The following STAT5A variants were observed in gnomAD, a reference collection of about 807,000 sequenced individuals.
STAT5A encodes signal transducer and activator of transcription 5A.
In STAT5A, 26 loss-of-function variants were observed where a neutral mutation model predicts 100.2. The ratio of observed to expected loss-of-function variants is 0.26; its 90% CI spans 0.19 to 0.36. The LOEUF (loss-of-function observed/expected upper bound fraction) is 0.36, where lower values mean the gene tolerates loss of function less well. Ranked by LOEUF, STAT5A falls within the 10% of genes least tolerant of loss-of-function variation. The pLI, the probability that STAT5A is intolerant of heterozygous loss-of-function variation, is 1.00. For missense variants in STAT5A, 634 were observed against 1,027.5 expected, an observed-to-expected ratio of 0.62 and a Z score of 5.24; for synonymous variants, 330 against 424.3, an observed-to-expected ratio of 0.78 and a Z score of 2.73.
At chr17:42,303,784 TTGG>T (rs2081003060) in intron 9 of STAT5A, among the ~76,000 whole-genome samples, 1 of 151,842 alleles carries the variant, frequency 6.6e-6, no homozygotes, top group Admixed American at 6.6e-5. Context: ...AAAGGTCAGC[TTGG>T]TAAGCTTCTC....
intron 1 of STAT5A, 73 bp from the exon 2 acceptor site, chr17:42,289,329 T>A (rs1567685730): frequency 6.9e-7 from 1 of 1,447,168 alleles, no homozygotes; most frequent in East Asian, 2.6e-5. Context: ...TAGGTAGGCA[T>A]GGCAAGGCCA....
intron 7 of STAT5A, among the ~76,000 whole-genome samples, 194 bp downstream of exon 7, chr17:42,300,475 C>T (rs1453431139): frequency 1.3e-5 from 2 of 152,152 alleles, no homozygotes; most frequent in Non-Finnish European, 2.9e-5. Context: ...GGGCTGCTGT[C>T]CTGGGGGTGG....
chr17:42,304,358 A>T lies in STAT5A; in HGVS notation c.1186A>T (p.Ile396Phe). The change falls in exon 10 of 19, where the codon ATC becomes TTC. Residue 396 changes from isoleucine to phenylalanine, a missense_variant. Coordinates refer to ENST00000590949, the MANE Select transcript of STAT5A (RefSeq NM_001288718.2). The surrounding 1 kb of genome is among the most constrained non-coding windows in gnomAD (Gnocchi z 4.8). ...ENTRNECSGE[I>F]LNNCCVMEYH... is the part of the protein sequence containing the mutation. ...CCTTTGCAGCGAGTGCAGTGGTGAGATCCTGAACAACTGCTGCGTGATGGA... is the reference window on the plus strand; with the variant it reads ...CCTTTGCAGCGAGTGCAGTGGTGAGTTCCTGAACAACTGCTGCGTGATGGA... 1 of 1,614,144 alleles carries T rather than the reference A, an allele frequency of 6.2e-7. No individual in the cohort carries two copies. The highest frequency in any genetic ancestry group is 8.5e-7 in the Non-Finnish European group (1 of 1,180,030).
chr17:42,306,597 C>T (rs1209811356), intron 13 of STAT5A, 150 bp downstream of exon 13: 2 of 1,199,226 alleles, frequency 1.7e-6, no homozygotes, highest in East Asian at 2.6e-5. Flanking sequence ...GGCCCCTAGC[C>T]TCAAGAAATG....
chr17:42,294,398 A>G (rs1439410917), intron 4 of STAT5A, among the ~76,000 whole-genome samples: 12 of 152,028 alleles, frequency 7.9e-5, no homozygotes, highest in East Asian at 1.9e-4. Flanking sequence ...CCTTCCTCCA[A>G]CCATACAACT....
At position 42,310,633 on chromosome 17, in the gene STAT5A, C is replaced by G. The variant is rs577779069; in HGVS notation, c.2349C>G (p.Ala783=). The G allele has an allele frequency of 1.6e-5, 26 of 1,614,082 alleles. No homozygotes were observed. In the Admixed American group the frequency reaches 3.7e-4, roughly 23 times the overall value. The part of the protein sequence containing the change: ...DSLDSRLSPP[A]GLFTSARGSL... ...TTGACTCCCGCCTCTCGCCCCCTGC[C>G]GGTCTTTTCACCTCTGCCAGAGGCT... Residue 783 remains alanine (A), a synonymous_variant, in exon 19 of 19, where the codon GCC becomes GCG. Transcript: ENST00000590949.
chr17:42,307,174 C>T (rs1402378086), intron 13 of STAT5A, among the ~76,000 whole-genome samples: 2 of 152,192 alleles, frequency 1.3e-5, no homozygotes, highest in African/African-American at 4.8e-5. Flanking sequence ...ACCTCTTACT[C>T]CCACCCTTGG....
chr17:42,299,970 C>A (rs1315967550), intron 6 of STAT5A, 89 bp downstream of exon 6: 6 of 1,448,716 alleles, frequency 4.1e-6, no homozygotes, highest in Non-Finnish European at 5.6e-6. Flanking sequence ...AGCATGAGAG[C>A]AGAACCTGGG....
Position 42,304,387 on chromosome 17 carries a change from C to T in STAT5A, c.1215C>T (p.Tyr405=), listed in dbSNP as rs1444810113. 4 of 1,614,222 alleles carry T rather than the reference C, an allele frequency of 2.5e-6. No individual in the cohort carries two copies. The highest frequency in any genetic ancestry group is 2.2e-5 in the East Asian group (1 of 44,888). The part of the protein sequence containing the change: ...EILNNCCVME[Y]HQATGTLSAH... ...TGAACAACTGCTGCGTGATGGAGTACCACCAAGCCACGGGCACCCTCAGTG... is the reference window on the plus strand; with the variant it reads ...TGAACAACTGCTGCGTGATGGAGTATCACCAAGCCACGGGCACCCTCAGTG... The change falls in exon 10 of 19, where the codon TAC becomes TAT. Residue 405 remains tyrosine (Y), a synonymous_variant. Transcript: ENST00000590949. This position sits in a 1 kb window ranked among gnomAD's most constrained non-coding sequence, Gnocchi z 4.8.
In STAT5A at chr17:42,304,014, G is replaced by A. The variant is rs2081005115; in HGVS notation, c.1170-328G>A. Among the ~76,000 whole-genome samples the A allele has an allele frequency of 6.6e-6, 1 of 152,176 alleles. No homozygotes were observed. ...GGGGGTGGGTAGGTGTTGACCATAG[G>A]GATCCTCAGAGACTGTGGTTGTGAT... On this transcript the variant is annotated intron_variant, in intron 9 of 18. Transcript: ENST00000590949. The surrounding 1 kb of genome is among the most constrained non-coding windows in gnomAD (Gnocchi z 4.8).
At chr17:42,309,813 G>A in intron 18 of STAT5A, 1 of 249,218 alleles carries the variant, frequency 4.0e-6, no homozygotes, top group Non-Finnish European at 7.8e-6. Flanking sequence ...CATTTCCACA[G>A]GGAGGGGCTT....
intron 5 of STAT5A, among the ~76,000 whole-genome samples, chr17:42,296,852 G>A (rs2080922847): frequency 6.6e-6 from 1 of 152,032 alleles, no homozygotes; most frequent in Non-Finnish European, 1.5e-5. Context: ...TCCTAACCCT[G>A]CACTGTCAGT....
At chr17:42,306,475 C>T in intron 13 of STAT5A, 28 bp downstream of exon 13, 1 of 1,590,376 alleles carries the variant, frequency 6.3e-7, no homozygotes, top group Non-Finnish European at 8.6e-7. Context: ...CAGCCGCCCA[C>T]CAGGGCCCAC....
chr17:42,296,873 C>T (rs984443223), intron 5 of STAT5A, among the ~76,000 whole-genome samples: 19 of 152,168 alleles, frequency 1.2e-4, no homozygotes, highest in African/African-American at 4.6e-4. Flanking sequence ...GCTTTGTGTA[C>T]ACTGAGACCA....
Position 42,310,806 on chromosome 17 carries a change from G to A in STAT5A, c.*137G>A. On this transcript the variant is annotated 3_prime_UTR_variant, in exon 19 of 19. Coordinates refer to ENST00000590949, the MANE Select transcript of STAT5A (RefSeq NM_001288718.2). ...TGTGTGTGTGTGTGTGTGTGTCCTT[G>A]TGCATGAGCTACGCCTGCCTCCCCT... 1.4e-6 allele frequency: 2 copies of A among 1,432,450 alleles called. No homozygotes were observed. The highest frequency in any genetic ancestry group is 1.4e-5 in the South Asian group (1 of 74,026). 88.7% of individuals were successfully genotyped at this position (1,432,450 alleles called of 1,614,324 possible).
chr17:42,307,493 A>G lies in STAT5A; in HGVS notation c.1772A>G (p.Asp591Gly), dbSNP rs754502479. 1.9e-6 allele frequency: 3 copies of G among 1,614,002 alleles called. No individual in the cohort carries two copies. The highest frequency in any genetic ancestry group is 2.5e-6 in the Non-Finnish European group (3 of 1,179,992). ...AAGCACCACAAGCCCCACTGGAATG[A>G]TGGGTAAGGAACGGGGGCTGCAGGG... ...LKKHHKPHWN[D>G]GAILGFVNKQ... is the part of the protein sequence containing the mutation. The change falls in exon 14 of 19, where the codon GAT becomes GGT. Residue 591 changes from aspartate to glycine, a missense_variant. Coordinates refer to ENST00000590949, the MANE Select transcript of STAT5A (RefSeq NM_001288718.2).
chr17:42,310,840 C>G lies in STAT5A; in HGVS notation c.*171C>G. Reference sequence around the variant, plus strand: ...CTACGCCTGCCTCCCCTGTGCAGTCCTGGGATGTGGCTGCAGCAGCGGTGG... The same window carrying G: ...CTACGCCTGCCTCCCCTGTGCAGTCGTGGGATGTGGCTGCAGCAGCGGTGG... On this transcript the variant is annotated 3_prime_UTR_variant, in exon 19 of 19. Transcript: ENST00000590949. 3.4e-6 allele frequency: 4 copies of G among 1,166,556 alleles called. No individual in the cohort carries two copies. Among genetic ancestry groups the G allele is most frequent in the Non-Finnish European group, 3.5e-6 (3 of 845,866 alleles). The allele number at this position is 1,166,556 out of a possible 1,614,324, so 72.3% of individuals were successfully genotyped here. A position where few individuals can be genotyped will look rare whatever the true frequency, so the allele number is the denominator to read the frequency against.
At chr17:42,292,576 C>T (rs1285084286) in intron 4 of STAT5A, among the ~76,000 whole-genome samples, 1 of 151,944 alleles carries the variant, frequency 6.6e-6, no homozygotes, top group Non-Finnish European at 1.5e-5. Flanking sequence ...CCGCCCACCT[C>T]GGCCTCCCAA....
chr17:42,300,066 C>T, intron 6 of STAT5A, 64 bp from the exon 7 acceptor site: 1 of 1,156,376 alleles, frequency 8.6e-7, no homozygotes, highest in Non-Finnish European at 1.2e-6. Context: ...CCTGCCATTT[C>T]CCAGCGAGGC....
Sources: gnomAD v4.1 joint callset for allele counts (sites outside exome capture counted in the v4.1 genomes callset) on GRCh38, gnomAD v4.1.1 for gene constraint, Gnocchi (gnomAD v3.1) non-coding constraint, MANE v1.5 for transcripts, NCBI Gene and HGNC (gene_info 2026-07-23, HGNC 2026-07-21) for gene names.